PLAC1: variants seen among roughly 807,000 people sequenced by gnomAD.
PLAC1 encodes placenta associated 1, also known as placenta-specific protein 1.
For missense variants in PLAC1, 136 were observed against 163.2 expected, an observed-to-expected ratio of 0.83 and a Z score of 0.91; for synonymous variants, 68 against 62.1, an observed-to-expected ratio of 1.09 and a Z score of -0.44.
chrX:134,579,006 A>G (rs2077959426), intron 2 of PLAC1, among the ~76,000 whole-genome samples: 1 of 111,456 alleles, frequency 9.0e-6, no homozygotes, highest in East Asian at 2.8e-4. Flanking sequence ...ATATATATTT[A>G]TGCTTCTTTG....
At chrX:134,745,989 A>G (rs1405294291) in intron 1 of PLAC1, among the ~76,000 whole-genome samples, 1 of 111,641 alleles carries the variant, frequency 9.0e-6, no homozygotes, top group Non-Finnish European at 1.9e-5. Context: ...AGAGGGAGGT[A>G]AGTAACCCCT....
At chrX:134,566,864 A>G (rs901008912) in intron 2 of PLAC1, 124 bp from the exon 3 acceptor site, 31 of 417,833 alleles carry the variant, frequency 7.4e-5, no homozygotes, top group Non-Finnish European at 1.2e-4. Flanking sequence ...CTCATTTGAG[A>G]GAGAACTGAA....
chrX:134,590,109 T>A lies in PLAC1; in HGVS notation c.-59+11942A>T, dbSNP rs368580900. Among the ~76,000 whole-genome samples, 4 of 110,263 alleles carry A rather than the reference T, an allele frequency of 3.6e-5. No homozygotes were observed. The East Asian group carries it at 8.6e-4, about 24-fold the overall frequency. ...ACTTGGGAGGCTGAGGCAGGAGAAT[T>A]GCTTCAACCTGGGAGGCAGAAGTTG... On this transcript the variant is annotated intron_variant, in intron 2 of 2. Transcript: ENST00000359237.
At chrX:134,575,342 A>G (rs1602789148) in intron 2 of PLAC1, among the ~76,000 whole-genome samples, 1 of 110,886 alleles carries the variant, frequency 9.0e-6, no homozygotes, top group African/African-American at 3.3e-5. Flanking sequence ...ATATCAAAAA[A>G]CATAACAATT....
chrX:134,595,885 G>C (rs1204840568), intron 2 of PLAC1, among the ~76,000 whole-genome samples: 1 of 109,913 alleles, frequency 9.1e-6, no homozygotes, highest in African/African-American at 3.3e-5. Flanking sequence ...TGATATGTTA[G>C]GATCTAAGTC....
intron 1 of PLAC1, among the ~76,000 whole-genome samples, chrX:134,740,572 G>A (rs1328292248): frequency 1.8e-5 from 2 of 111,521 alleles, no homozygotes; most frequent in South Asian, 3.7e-4. Context: ...CTTGAATGGC[G>A]GCCCCAGAAA....
At chrX:134,690,630 G>A (rs2078532864) in intron 2 of PLAC1, among the ~76,000 whole-genome samples, 2 of 109,628 alleles carry the variant, frequency 1.8e-5, no homozygotes, top group African/African-American at 6.7e-5. Context: ...ATAGTGCAGG[G>A]CACAGAGGTC....
intron 1 of PLAC1, among the ~76,000 whole-genome samples, chrX:134,734,936 TG>T (rs940006879): frequency 1.8e-5 from 2 of 110,675 alleles, no homozygotes; most frequent in Admixed American, 9.6e-5. Context: ...CAGACTCAGA[TG>T]GGGGGTGGTG....
chrX:134,675,163 T>C (rs765645494), intron 2 of PLAC1, among the ~76,000 whole-genome samples: 1 of 112,272 alleles, frequency 8.9e-6, no homozygotes, highest in East Asian at 2.8e-4. Context: ...TCATTGTCTC[T>C]GAACTCTGCT....
At chrX:134,611,444 C>T (rs2078151699) in intron 1 of PLAC1, among the ~76,000 whole-genome samples, 1 of 107,011 alleles carries the variant, frequency 9.3e-6, no homozygotes, top group Admixed American at 1.0e-4. Flanking sequence ...TCTCTGAGTG[C>T]CTTAGTTTCT....
At chrX:134,589,754 C>T (rs959048804) in intron 2 of PLAC1, among the ~76,000 whole-genome samples, 6 of 108,431 alleles carry the variant, frequency 5.5e-5, no homozygotes, top group Non-Finnish European at 1.1e-4. Flanking sequence ...TACAGTGGAC[C>T]CCCAGACTCA....
chrX:134,657,408 A>G, intron 1 of PLAC1, among the ~76,000 whole-genome samples: 1 of 112,255 alleles, frequency 8.9e-6, no homozygotes, highest in South Asian at 3.8e-4. Context: ...AAAGAAACAG[A>G]AGATCAGAGA....
rs749953575 is a variant in PLAC1 at position 134,569,739 on chromosome X, AGTGTGTGTGTGTGTGTGT to A, written c.-58-3017_-58-3000del. 3.7e-3 allele frequency among the ~76,000 whole-genome samples: 267 copies of A among 72,172 alleles called. 1 individual carries two copies. Among genetic ancestry groups the A allele is most frequent in the African/African-American group, 0.012 (250 of 20,183 alleles). The allele number at this position is 72,172 out of a possible 115,157, so 62.7% of individuals were successfully genotyped here. A position where few individuals can be genotyped will look rare whatever the true frequency, so the allele number is the denominator to read the frequency against. Reference sequence around the variant, plus strand: ...TGCAATTCCTAGGGAAGGGTAGAGTAGTGTGTGTGTGTGTGTGTGTGTGTGTGTGTGTGTGTGTGTGTG... The same window carrying A: ...TGCAATTCCTAGGGAAGGGTAGAGTAGTGTGTGTGTGTGTGTGTGTGTGTG... On this transcript the variant is annotated intron_variant, in intron 2 of 2. Coordinates refer to ENST00000359237, the MANE Select transcript of PLAC1 (RefSeq NM_021796.4).
intron 2 of PLAC1, among the ~76,000 whole-genome samples, chrX:134,707,322 T>G: frequency 8.9e-6 from 1 of 112,895 alleles, no homozygotes; most frequent in Middle Eastern, 4.6e-3. Context: ...TTTAAAATTA[T>G]ACTTTAAGTT....
At chrX:134,605,036 T>C (rs2078115959) in intron 1 of PLAC1, among the ~76,000 whole-genome samples, 1 of 111,026 alleles carries the variant, frequency 9.0e-6, no homozygotes, top group African/African-American at 3.3e-5. Context: ...CCAGATTGTG[T>C]TTTTTAAAAC....
At position 134,640,072 on chromosome X, in the gene PLAC1, G is replaced by A. The variant is rs139922029; in HGVS notation, c.-131+18256C>T. Among the ~76,000 whole-genome samples the A allele has an allele frequency of 4.1e-4, 46 of 111,817 alleles. 3 individuals carry two copies. In the East Asian group the frequency reaches 0.012, roughly 30 times the overall value. On this transcript the variant is annotated intron_variant, in intron 1 of 2. Transcript: ENST00000359237. ...TGTACTCATTTGAGTCCCTGTTTTC[G>A]ATTTTTGGGGAGTATATACCTAGAA... is the stretch of plus-strand genomic sequence containing the variant.
intron 2 of PLAC1, among the ~76,000 whole-genome samples, chrX:134,578,202 A>C (rs1250049136): frequency 9.0e-6 from 1 of 110,992 alleles, no homozygotes; most frequent in Non-Finnish European, 1.9e-5. Context: ...TCACAAGGTC[A>C]GGAGATGGAG....
At chrX:134,712,581 T>C (rs1185804661) in intron 2 of PLAC1, among the ~76,000 whole-genome samples, 2 of 111,678 alleles carry the variant, frequency 1.8e-5, no homozygotes, top group Non-Finnish European at 3.8e-5. Flanking sequence ...ATCACATCTC[T>C]GTACTTGGGG....
intron 2 of PLAC1, among the ~76,000 whole-genome samples, chrX:134,683,611 C>CT (rs1374378901): frequency 1.8e-5 from 2 of 112,004 alleles, no homozygotes; most frequent in Admixed American, 1.9e-4. Flanking sequence ...ATGGGGATGG[C>CT]TTTTGGTAAA....
Sources: allele counts gnomAD v4.1 joint callset (sites outside exome capture counted in the v4.1 genomes callset), GRCh38; gene constraint gnomAD v4.1.1; transcripts MANE v1.5; gene names NCBI Gene and HGNC (gene_info 2026-07-23, HGNC 2026-07-21).